Variants in PUM2 observed in about 807,000 individuals in gnomAD.
PUM2 encodes the protein pumilio homolog 2.
PUM2 carries 57 observed loss-of-function variants against 124.5 expected under a neutral mutation model. The observed-to-expected ratio is 0.46, with a 90% CI of 0.37 to 0.57. The LOEUF (loss-of-function observed/expected upper bound fraction) is 0.57. PUM2 is among the 20% of genes least tolerant of loss of function. The pLI is 0.00. For missense variants in PUM2, 1,065 were observed against 1,290.6 expected, an observed-to-expected ratio of 0.83 and a Z score of 2.68; for synonymous variants, 460 against 446.1, an observed-to-expected ratio of 1.03 and a Z score of -0.39.
At chr2:20,314,565 G>A (rs1434738701) in intron 3 of PUM2, among the ~76,000 whole-genome samples, 1 of 152,124 alleles carries the variant, frequency 6.6e-6, no homozygotes, top group Non-Finnish European at 1.5e-5. Flanking sequence ...GTTTGTGACA[G>A]GTATAAATAC....
intron 7 of PUM2, among the ~76,000 whole-genome samples, chr2:20,305,701 A>G (rs1678092826): frequency 6.6e-6 from 1 of 152,152 alleles, no homozygotes; most frequent in Non-Finnish European, 1.5e-5. Flanking sequence ...ACTATTTTAA[A>G]ATATCATTCA....
intron 7 of PUM2, among the ~76,000 whole-genome samples, chr2:20,303,670 C>T (rs1362431670): frequency 2.6e-5 from 4 of 152,140 alleles, no homozygotes; most frequent in African/African-American, 4.8e-5. Flanking sequence ...TTCATTTCTC[C>T]TTTACATTTC....
At chr2:20,296,053 A>C (rs1009260640) in intron 8 of PUM2, among the ~76,000 whole-genome samples, 3 of 152,190 alleles carry the variant, frequency 2.0e-5, no homozygotes, top group African/African-American at 4.8e-5. Flanking sequence ...CATCCAGTTA[A>C]ATGGCACCAG....
rs1234758647 is a variant in PUM2, at chr2:20,283,203, T to C, written c.1464A>G (p.Ala488=). 6.2e-7 allele frequency: 1 copy of C among 1,613,704 alleles called. No homozygotes were observed. The highest frequency in any genetic ancestry group is 8.5e-7 in the Non-Finnish European group (1 of 1,179,636). ...CATTTGTGCTGCCTGTAAGGCTACT[T>C]GCAGTTCCTCCAGCTGCTGCTGCTG... ...AAAAAAAGGT[A]SSLTGSTNGL... is the part of the protein sequence containing the mutation. The change falls in exon 12 of 21, where the codon GCA becomes GCG. Residue 488 remains alanine, a synonymous_variant. Transcript: ENST00000361078.
At position 20,297,537 on chromosome 2, in the gene PUM2, A is replaced by G; in HGVS notation, c.1009+16T>C. 2 of 1,563,614 alleles carry G rather than the reference A, an allele frequency of 1.3e-6. No individual in the cohort carries two copies. The highest frequency in any genetic ancestry group is 1.7e-6 in the Non-Finnish European group (2 of 1,152,360). ...TAAAAAGCAACCATAATAAAGATGA[A>G]CAAATAGTATGTTACCTGCTAATGT... On this transcript the variant is annotated intron_variant, in intron 8 of 20. Transcript: ENST00000361078.
At chr2:20,289,448 C>T (rs888724988) in intron 10 of PUM2, among the ~76,000 whole-genome samples, 31 of 152,358 alleles carry the variant, frequency 2.0e-4, no homozygotes, top group Admixed American at 1.8e-3. Flanking sequence ...TTCAGCTTCA[C>T]AGTCCATTTC....
chr2:20,300,152 A>ATTT (rs35288020), intron 7 of PUM2, among the ~76,000 whole-genome samples: 6 of 147,614 alleles, frequency 4.1e-5, no homozygotes, highest in African/African-American at 1.2e-4. Context: ...TTCAGGTTAA[A>ATTT]TTTTTTTTTT....
intron 2 of PUM2, 148 bp from the exon 3 acceptor site, chr2:20,318,793 A>C: frequency 1.9e-6 from 1 of 529,684 alleles, no homozygotes; most frequent in South Asian, 3.6e-5. Context: ...CTGTTTTGTT[A>C]ATAGTAAATT....
intron 13 of PUM2, among the ~76,000 whole-genome samples, chr2:20,271,162 ATAAG>A (rs1668926599): frequency 6.6e-6 from 1 of 152,178 alleles, no homozygotes; most frequent in African/African-American, 2.4e-5. Context: ...TCAATATTGA[ATAAG>A]TAACAATTTT....
intron 1 of PUM2, among the ~76,000 whole-genome samples, chr2:20,341,559 G>A (rs1397474416): frequency 1.3e-5 from 2 of 152,134 alleles, no homozygotes; most frequent in Non-Finnish European, 2.9e-5. Flanking sequence ...GGTAAAGAAG[G>A]TACTGTTGGC....
chr2:20,329,143 C>T (rs891879646), intron 1 of PUM2, among the ~76,000 whole-genome samples: 1 of 147,042 alleles, frequency 6.8e-6, no homozygotes, highest in African/African-American at 2.5e-5. Flanking sequence ...CATTGCACTC[C>T]AGCCTGGGCG....
intron 13 of PUM2, among the ~76,000 whole-genome samples, chr2:20,275,272 A>T (rs1361192599): frequency 6.6e-6 from 1 of 152,036 alleles, no homozygotes; most frequent in East Asian, 1.9e-4. Flanking sequence ...AATGAACTGA[A>T]ACATATCAAT....
intron 9 of PUM2, among the ~76,000 whole-genome samples, chr2:20,292,610 AC>A (rs74384624): frequency 0.14 from 20,591 of 151,882 alleles, 2,104 homozygotes; most frequent in East Asian, 0.49. Context: ...GATCCACTGC[AC>A]CCGGCCTAAA....
intron 1 of PUM2, among the ~76,000 whole-genome samples, chr2:20,337,166 G>C (rs1686296373): frequency 6.6e-6 from 1 of 150,538 alleles, no homozygotes; most frequent in South Asian, 2.1e-4. Context: ...AGGCCTAAAT[G>C]TCAAAAAAAA....
chr2:20,263,793 C>T (rs1666877951), intron 13 of PUM2, among the ~76,000 whole-genome samples: 1 of 152,090 alleles, frequency 6.6e-6, no homozygotes, highest in South Asian at 2.1e-4. Context: ...GTTACATTAA[C>T]AAGCAAGTTT....
chr2:20,321,278 T>G (rs1014981630), intron 2 of PUM2, among the ~76,000 whole-genome samples: 2 of 151,960 alleles, frequency 1.3e-5, no homozygotes, highest in African/African-American at 2.4e-5. Flanking sequence ...AGAGCGAGAC[T>G]CTGTCTCAAA....
intron 1 of PUM2, among the ~76,000 whole-genome samples, chr2:20,344,260 G>C (rs1246829685): frequency 6.6e-6 from 1 of 152,062 alleles, no homozygotes; most frequent in Non-Finnish European, 1.5e-5. Flanking sequence ...TTGAGATGGG[G>C]TTTCACCACG....
chr2:20,270,870 G>T (rs1032390062), intron 13 of PUM2, among the ~76,000 whole-genome samples: 2 of 151,982 alleles, frequency 1.3e-5, no homozygotes, highest in Non-Finnish European at 2.9e-5. Flanking sequence ...TAATCTAGTG[G>T]AGAAAATAAA....
At chr2:20,280,847 C>CT (rs1419452238) in intron 12 of PUM2, among the ~76,000 whole-genome samples, 1 of 151,990 alleles carries the variant, frequency 6.6e-6, no homozygotes, top group African/African-American at 2.4e-5. Context: ...TGTAACAACA[C>CT]TTTAAAAAAT....
Sources: allele counts gnomAD v4.1 joint callset (sites outside exome capture counted in the v4.1 genomes callset), GRCh38; gene constraint gnomAD v4.1.1; transcripts MANE v1.5; gene names NCBI Gene and HGNC (gene_info 2026-07-23, HGNC 2026-07-21).